Variants in PRKN observed in about 807,000 individuals in gnomAD.
PRKN encodes parkin RBR E3 ubiquitin protein ligase, also known as E3 ubiquitin-protein ligase parkin.
In PRKN, 56 loss-of-function variants were observed where a neutral mutation model predicts 59.5. That is an observed-to-expected ratio of 0.94 (90% CI 0.76 to 1.18). The LOEUF (loss-of-function observed/expected upper bound fraction) is 1.18, where lower values mean the gene tolerates loss of function less well. Among genes scored for constraint, PRKN ranks in the 50% most tolerant of loss-of-function variants. The pLI, the probability that PRKN is intolerant of heterozygous loss-of-function variation, is 0.00. For missense variants in PRKN, 657 were observed against 596.4 expected, an observed-to-expected ratio of 1.10 and a Z score of -1.06; for synonymous variants, 250 against 222.1, an observed-to-expected ratio of 1.13 and a Z score of -1.12.
Position 162,556,342 on chromosome 6 carries a change from GGTGTGTGTGTGT to G in PRKN, c.8-112881_8-112870del, listed in dbSNP as rs202002846. 2.8e-3 allele frequency among the ~76,000 whole-genome samples: 158 copies of G among 57,280 alleles called. 2 individuals carry two copies. Among genetic ancestry groups the G allele is most frequent in the Middle Eastern group, 9.6e-3 (1 of 104 alleles). The allele number at this position is 57,280 out of a possible 152,430, so 37.6% of individuals were successfully genotyped here. ...GAAACCAAGCAGTAACTACTCAGCT[GGTGTGTGTGTGT>G]GTGTGTGTGTGTGTGTGTGTGTGTG... is the stretch of plus-strand genomic sequence containing the variant. On this transcript the variant is annotated intron_variant, in intron 1 of 11. Coordinates refer to ENST00000366898, the MANE Select transcript of PRKN (RefSeq NM_004562.3).
chr6:161,900,928 A>ATTCTT (rs1777893476), intron 6 of PRKN, among the ~76,000 whole-genome samples: 1 of 143,512 alleles, frequency 7.0e-6, no homozygotes, highest in Non-Finnish European at 1.5e-5. Flanking sequence ...ATATATATAT[A>ATTCTT]TTTTTTAGAT....
At position 162,443,377 on chromosome 6, in the gene PRKN, C is replaced by G; in HGVS notation, c.104G>C (p.Gly35Ala). Residue 35 changes from glycine (G) to alanine (A), a missense_variant, in exon 2 of 12, where the codon GGG (glycine) becomes GCG (alanine). Transcript: ENST00000366898. Reference protein sequence around the residue: ...QLKEVVAKRQGVPADQLRVIF... With the variant: ...QLKEVVAKRQAVPADQLRVIF... Reference sequence around the variant, plus strand: ...CACACGCAACTGGTCAGCCGGAACCCCCTGTCGCTTAGCAACCACCTCCTT... The same window carrying G: ...CACACGCAACTGGTCAGCCGGAACCGCCTGTCGCTTAGCAACCACCTCCTT... 6.2e-7 allele frequency: 1 copy of G among 1,613,810 alleles called. No individual in the cohort carries two copies. The highest frequency in any genetic ancestry group is 1.3e-5 in the African/African-American group (1 of 75,004).
chr6:162,009,382 A>G (rs1317029592), intron 5 of PRKN, among the ~76,000 whole-genome samples: 1 of 151,560 alleles, frequency 6.6e-6, no homozygotes, highest in East Asian at 1.9e-4. Flanking sequence ...AACACTGTAC[A>G]GAAATTATCA....
intron 3 of PRKN, among the ~76,000 whole-genome samples, chr6:162,244,797 AAAG>A (rs1779133741): frequency 6.6e-6 from 1 of 152,132 alleles, no homozygotes; most frequent in Non-Finnish European, 1.5e-5. Flanking sequence ...GATCTAATTC[AAAG>A]AATATGGAAT....
chr6:161,653,232 C>T (rs904464154), intron 7 of PRKN, among the ~76,000 whole-genome samples: 3 of 152,040 alleles, frequency 2.0e-5, no homozygotes, highest in South Asian at 2.1e-4. Flanking sequence ...GGCGTGGTGG[C>T]GCATGCCTGT....
At chr6:162,590,595 A>C (rs753972051) in intron 1 of PRKN, among the ~76,000 whole-genome samples, 3 of 152,130 alleles carry the variant, frequency 2.0e-5, no homozygotes, top group Non-Finnish European at 4.4e-5. Context: ...TTGCAACCTA[A>C]ATCAGTTTCA....
chr6:162,404,363 C>A lies in PRKN; in HGVS notation c.171+38947G>T, dbSNP rs1318843429. Among the ~76,000 whole-genome samples, 10 of 141,244 alleles carry A rather than the reference C, an allele frequency of 7.1e-5. 1 individual carries two copies. The East Asian group carries it at 2.2e-3, about 30-fold the overall frequency. 92.7% of individuals were successfully genotyped at this position (141,244 alleles called of 152,430 possible). On this transcript the variant is annotated intron_variant, in intron 2 of 11. Coordinates refer to ENST00000366898, the MANE Select transcript of PRKN (RefSeq NM_004562.3). Reference sequence around the variant, plus strand: ...CCAGCCTGGGCGACAGAGTGAGACTCTGTCAGAAAAAAAAAAAAAGAAAGA... The same window carrying A: ...CCAGCCTGGGCGACAGAGTGAGACTATGTCAGAAAAAAAAAAAAAGAAAGA...
At chr6:162,157,686 G>A (rs1583121911) in intron 4 of PRKN, among the ~76,000 whole-genome samples, 1 of 151,874 alleles carries the variant, frequency 6.6e-6, no homozygotes, top group South Asian at 2.1e-4. Context: ...TGCAGATGGC[G>A]GACTATATTA....
chr6:162,395,652 A>C (rs947629105), intron 2 of PRKN, among the ~76,000 whole-genome samples: 1 of 152,042 alleles, frequency 6.6e-6, no homozygotes, highest in Admixed American at 6.6e-5. Flanking sequence ...AGCCATAGAC[A>C]CTGATACAAA....
chr6:161,455,472 A>C (rs1789924575), intron 9 of PRKN, among the ~76,000 whole-genome samples: 1 of 152,206 alleles, frequency 6.6e-6, no homozygotes, highest in Non-Finnish European at 1.5e-5. Context: ...ATTTCAAATG[A>C]AAGCATCCTA....
At chr6:162,019,651 T>C (rs1268796739) in intron 5 of PRKN, among the ~76,000 whole-genome samples, 1 of 152,280 alleles carries the variant, frequency 6.6e-6, no homozygotes, top group Admixed American at 6.5e-5. Flanking sequence ...GAGTCCTTGG[T>C]CCACGCTTTG....
At chr6:161,989,383 C>T (rs1187267222) in intron 5 of PRKN, among the ~76,000 whole-genome samples, 1 of 151,980 alleles carries the variant, frequency 6.6e-6, no homozygotes, top group African/African-American at 2.4e-5. Flanking sequence ...CTGTTCCCAC[C>T]AGTGCGTGGA....
rs566062102 is a variant in PRKN, at chr6:161,484,830, C to T, written c.1083+64024G>A. On this transcript the variant is annotated intron_variant, in intron 9 of 11. Transcript: ENST00000366898. The surrounding 1 kb of genome is among the most constrained non-coding windows in gnomAD (Gnocchi z 4.9). ...CAAAATCGCTGGCAACTGAGCACCA[C>T]TGCTCTGACTCAAAGGTGTCTGCTC... is the stretch of plus-strand genomic sequence containing the variant. 6.6e-6 allele frequency among the ~76,000 whole-genome samples: 1 copy of T among 152,340 alleles called. No homozygotes were observed. Among genetic ancestry groups the T allele is most frequent in the South Asian group, 2.1e-4 (1 of 4,828 alleles).
intron 1 of PRKN, among the ~76,000 whole-genome samples, chr6:162,561,143 C>T (rs1393391635): frequency 6.6e-6 from 1 of 152,032 alleles, no homozygotes; most frequent in Non-Finnish European, 1.5e-5. Context: ...GTCCCAAGCG[C>T]ATGGAGTGAT....
intron 9 of PRKN, among the ~76,000 whole-genome samples, chr6:161,537,097 TAA>T (rs138880938): frequency 6.6e-6 from 1 of 152,220 alleles, no homozygotes; most frequent in Non-Finnish European, 1.5e-5. Context: ...TGTCTTCACA[TAA>T]AAGAGTTTTT....
Position 161,444,737 on chromosome 6 carries a change from T to C in PRKN, c.1084-57860A>G, listed in dbSNP as rs987168396. On this transcript the variant is annotated intron_variant, in intron 9 of 11. Transcript: ENST00000366898. This position sits in a 1 kb window ranked among gnomAD's most constrained non-coding sequence, Gnocchi z 5.6. The stretch of plus-strand genomic sequence containing the variant: ...CGGTGGAAACATTTGTTCCCCTTGA[T>C]GAATGAAACGGCACTCTTGACATGC... Among the ~76,000 whole-genome samples, 12 of 152,256 alleles carry C rather than the reference T, an allele frequency of 7.9e-5. No homozygotes were observed. Among genetic ancestry groups the C allele is most frequent in the African/African-American group, 2.9e-4 (12 of 41,476 alleles).
intron 1 of PRKN, among the ~76,000 whole-genome samples, chr6:162,551,162 G>A (rs1378622089): frequency 1.3e-5 from 2 of 152,068 alleles, no homozygotes; most frequent in South Asian, 4.1e-4. Context: ...CTATTAACAG[G>A]TCTGCCAGTG....
chr6:162,629,104 A>G (rs1000932821), intron 1 of PRKN, among the ~76,000 whole-genome samples: 4 of 152,156 alleles, frequency 2.6e-5, no homozygotes, highest in African/African-American at 9.6e-5. Flanking sequence ...TACTGCCCCA[A>G]TTCATATACA....
chr6:161,617,725 G>C (rs939619896), intron 7 of PRKN, among the ~76,000 whole-genome samples: 1 of 152,172 alleles, frequency 6.6e-6, no homozygotes, highest in Non-Finnish European at 1.5e-5. Context: ...GTTTGAATAA[G>C]CTAATAGATT....
Sources: allele counts gnomAD v4.1 joint callset (sites outside exome capture counted in the v4.1 genomes callset), GRCh38; gene constraint gnomAD v4.1.1; non-coding constraint Gnocchi (gnomAD v3.1); transcripts MANE v1.5; gene names NCBI Gene and HGNC (gene_info 2026-07-23, HGNC 2026-07-21).